LPIN2: variants seen among roughly 807,000 people sequenced by gnomAD.
LPIN2 encodes the protein lipin 2.
In LPIN2, 55 loss-of-function variants were observed where a neutral mutation model predicts 111.4. That is an observed-to-expected ratio of 0.49 (90% CI 0.40 to 0.62). The LOEUF (loss-of-function observed/expected upper bound fraction) is 0.62. LPIN2 is among the 20% of genes least tolerant of loss of function. The probability of loss-of-function intolerance (pLI) is 0.00; values close to 1 mark genes in which losing one functional copy is unlikely to be tolerated. For missense variants in LPIN2, 992 were observed against 1,112.1 expected (o/e 0.89, Z 1.54); for synonymous variants, 425 against 414.0 (o/e 1.03, Z -0.32).
Position 2,926,772 on chromosome 18 carries a change from G to T in LPIN2, c.1744C>A (p.Pro582Thr). The T allele has an allele frequency of 1.2e-6, 2 of 1,613,792 alleles. No individual in the cohort carries two copies. The highest frequency in any genetic ancestry group is 1.1e-5 in the South Asian group (1 of 91,078). ...PESKEGKSEA[P>T]PASDLPSSSK... ...CTGGATGGCAGGTCACTGGCTGGCGGTGCCTCAGATTTTCCCTCCTTGGAT... is the reference window on the plus strand; with the variant it reads ...CTGGATGGCAGGTCACTGGCTGGCGTTGCCTCAGATTTTCCCTCCTTGGAT... Residue 582 changes from proline to threonine, a missense_variant, in exon 13 of 20, where the codon CCG becomes ACG. By Grantham distance (38) the Pro-to-Thr change is conservative. Coordinates refer to ENST00000677752, the MANE Select transcript of LPIN2 (RefSeq NM_001375808.2).
At chr18:2,940,855 A>T in intron 4 of LPIN2, 143 bp from the exon 5 acceptor site, 1 of 670,334 alleles carries the variant, frequency 1.5e-6, no homozygotes. Context: ...TATGAAGGAG[A>T]AGGGGGGATA....
Position 2,927,791 on chromosome 18 carries a change from C to A in LPIN2, c.1641G>T (p.Val547=), listed in dbSNP as rs766430362. 6 of 1,614,076 alleles carry A rather than the reference C, an allele frequency of 3.7e-6. No homozygotes were observed. The African/African-American group carries it at 6.7e-5, about 18-fold the overall frequency. ...CAGATTTCTTTGGCATCTTGTCTTT[C>A]ACCCAGGACTCAACTGTGGCCTGAA... ...SLPKATVESW[V]KDKMPKKSGR... Residue 547 remains valine (V), a synonymous_variant, in exon 12 of 20, where the codon GTG becomes GTT. Coordinates refer to ENST00000677752, the MANE Select transcript of LPIN2 (RefSeq NM_001375808.2).
At chr18:2,926,371 G>GA (rs1370487340) in intron 13 of LPIN2, among the ~76,000 whole-genome samples, 1 of 152,148 alleles carries the variant, frequency 6.6e-6, no homozygotes, top group Non-Finnish European at 1.5e-5. Flanking sequence ...TCCAGGAAAG[G>GA]AAACCCACCC....
intron 1 of LPIN2, among the ~76,000 whole-genome samples, chr18:2,991,910 T>C (rs891650611): frequency 4.6e-5 from 7 of 151,330 alleles, no homozygotes; most frequent in Admixed American, 2.6e-4. Flanking sequence ...CTTGGGAGGC[T>C]GAGGTAGAGA....
intron 4 of LPIN2, chr18:2,945,702 T>C: frequency 7.7e-7 from 1 of 1,293,260 alleles, no homozygotes; most frequent in Non-Finnish European, 1.1e-6. Flanking sequence ...ACCCCATAAT[T>C]TCACATTTTG....
At chr18:2,984,201 T>G (rs1438984830) in intron 1 of LPIN2, among the ~76,000 whole-genome samples, 1 of 152,170 alleles carries the variant, frequency 6.6e-6, no homozygotes, top group Non-Finnish European at 1.5e-5. Context: ...AAAACCAATT[T>G]CACCAAAATT....
At chr18:2,978,373 C>T (rs920718148) in intron 1 of LPIN2, among the ~76,000 whole-genome samples, 3 of 152,104 alleles carry the variant, frequency 2.0e-5, no homozygotes, top group African/African-American at 4.8e-5. Flanking sequence ...GACACACTGA[C>T]CTCAGGGACT....
chr18:2,960,663 A>T lies in LPIN2; in HGVS notation c.178T>A (p.Ser60Thr). The T allele has an allele frequency of 6.2e-7, 1 of 1,613,888 alleles. No homozygotes were observed. The highest frequency in any genetic ancestry group is 8.5e-7 in the Non-Finnish European group (1 of 1,179,982). ...VRFGKLGVLRSKEKVIDIEIN... is the reference protein window; with the variant it reads ...VRFGKLGVLRTKEKVIDIEIN... ...AGGACACTCACCACTTTCTCTTTGG[A>T]TCTCAGGACTCCCAGCTTTCCAAAC... The change falls in exon 2 of 20, where the codon TCC becomes ACC. Residue 60 changes from serine to threonine, a missense_variant. Physicochemically the swap from Ser to Thr is moderately conservative, Grantham distance 58 (BLOSUM62 1). Transcript: ENST00000677752.
At chr18:2,944,083 G>C (rs1028100545) in intron 4 of LPIN2, among the ~76,000 whole-genome samples, 1 of 151,728 alleles carries the variant, frequency 6.6e-6, no homozygotes, top group African/African-American at 2.4e-5. Flanking sequence ...CTGGCCTTCA[G>C]AATATTTCCT....
At chr18:2,940,821 T>A in intron 4 of LPIN2, 109 bp from the exon 5 acceptor site, 1 of 715,036 alleles carries the variant, frequency 1.4e-6, no homozygotes, top group Middle Eastern at 2.6e-4. Flanking sequence ...GAGGGGCAAA[T>A]GATTACTAAC....
At chr18:2,995,261 A>G (rs1411255950) in intron 1 of LPIN2, among the ~76,000 whole-genome samples, 1 of 152,242 alleles carries the variant, frequency 6.6e-6, no homozygotes, top group Non-Finnish European at 1.5e-5. Flanking sequence ...TCAAGGAGCT[A>G]TTTAATAATG....
chr18:2,958,145 A>AG (rs2077644053), intron 2 of LPIN2, among the ~76,000 whole-genome samples: 1 of 118,398 alleles, frequency 8.4e-6, no homozygotes, highest in Non-Finnish European at 1.8e-5. Flanking sequence ...CCATCTCAAA[A>AG]AAAAAAAAAA....
chr18:2,940,529 C>T, intron 5 of LPIN2, 76 bp downstream of exon 5: 1 of 855,622 alleles, frequency 1.2e-6, no homozygotes. Context: ...AATATCATTA[C>T]TACAGATTAA....
chr18:2,940,693 A>C lies in LPIN2; in HGVS notation c.610T>G (p.Leu204Val). Residue 204 changes from leucine (L) to valine (V), a missense_variant, in exon 5 of 20, where the codon TTG becomes GTG. Physicochemically the swap from Leu to Val is conservative, Grantham distance 32. This residue lies in a region of LPIN2 where 709 missense variants were observed against 753.2 expected (regional missense o/e 0.94). Coordinates refer to ENST00000677752, the MANE Select transcript of LPIN2 (RefSeq NM_001375808.2). The part of the protein sequence containing the change: ...QAARGSSNAS[L>V]KEEECKEPLL... ...GGCTCTTTACATTCTTCTTCTTTCA[A>C]GGAAGCATTTGAAGATCCTCTGTGA... 1 of 1,611,960 alleles carries C rather than the reference A, an allele frequency of 6.2e-7. No homozygotes were observed. The highest frequency in any genetic ancestry group is 2.2e-5 in the East Asian group (1 of 44,824).
At chr18:2,961,325 G>A (rs1243913030) in intron 1 of LPIN2, among the ~76,000 whole-genome samples, 1 of 152,162 alleles carries the variant, frequency 6.6e-6, no homozygotes, top group Admixed American at 6.5e-5. Flanking sequence ...ATAAATTAGT[G>A]AGAGCTACAT....
rs2077007243 is a variant in LPIN2 at position 2,918,823 on chromosome 18, C to G, written c.*1470G>C. 6.6e-6 allele frequency: 1 copy of G among 152,212 alleles called. No individual in the cohort carries two copies. The highest frequency in any genetic ancestry group is 1.5e-5 in the Non-Finnish European group (1 of 68,040). 9.4% of individuals were successfully genotyped at this position (152,212 alleles called of 1,614,324 possible). On this transcript the variant is annotated 3_prime_UTR_variant, in exon 20 of 20. Coordinates refer to ENST00000677752, the MANE Select transcript of LPIN2 (RefSeq NM_001375808.2). ...TCAGCATTATTTTAGGTGAAGCAAA[C>G]TAAAACATGTAGAGGTTCCACTACA...
rs137896042 is a variant in LPIN2, at chr18:2,938,400, T to C, written c.823-363A>G. ...TTAGCCGGGCATGGTGGCAGGCGCC[T>C]GTAATCTCAGCTACTCGGGAGGCTG... On this transcript the variant is annotated intron_variant, in intron 6 of 19. Transcript: ENST00000677752. Among the ~76,000 whole-genome samples the C allele has an allele frequency of 9.1e-3, 1,378 of 152,218 alleles. 13 individuals carry two copies. Among genetic ancestry groups the C allele is most frequent in the Middle Eastern group, 0.017 (5 of 294 alleles).
At chr18:2,972,693 G>A (rs985349621) in intron 1 of LPIN2, among the ~76,000 whole-genome samples, 7 of 152,156 alleles carry the variant, frequency 4.6e-5, no homozygotes, top group Non-Finnish European at 1.0e-4. Flanking sequence ...CCCTCAAAAG[G>A]GGGCCCCAAC....
intron 4 of LPIN2, among the ~76,000 whole-genome samples, chr18:2,943,258 C>G (rs1257831962): frequency 1.3e-5 from 2 of 151,632 alleles, no homozygotes; most frequent in East Asian, 3.9e-4. Flanking sequence ...ACTTTTTTGA[C>G]AAACCGATAG....
Sources: allele counts gnomAD v4.1 joint callset (sites outside exome capture counted in the v4.1 genomes callset), GRCh38; gene constraint gnomAD v4.1.1; regional missense constraint gnomAD v4.1.1; transcripts MANE v1.5; gene names NCBI Gene and HGNC (gene_info 2026-07-23, HGNC 2026-07-21).